PCLO: variants seen among roughly 807,000 people sequenced by gnomAD.
The protein encoded by PCLO is piccolo presynaptic cytomatrix protein, also known as protein piccolo.
PCLO carries 82 observed loss-of-function variants against 427.5 expected under a neutral mutation model. The ratio of observed to expected loss-of-function variants is 0.19; its 90% confidence interval spans 0.16 to 0.23. The LOEUF (loss-of-function observed/expected upper bound fraction) is 0.23, where lower values mean the gene tolerates loss of function less well. Among genes scored for constraint, PCLO ranks in the 10% least tolerant of loss-of-function variants. The pLI, the probability that PCLO is intolerant of heterozygous loss-of-function variation, is 1.00. For missense variants in PCLO, 6,239 were observed against 6,115.9 expected (o/e 1.02, Z -0.67); for synonymous variants, 2,357 against 2,155.4 (o/e 1.09, Z -2.59).
At chr7:82,814,949 G>T (rs1454591077) in intron 20 of PCLO, among the ~76,000 whole-genome samples, 1 of 151,770 alleles carries the variant, frequency 6.6e-6, no homozygotes, top group African/African-American at 2.4e-5. Flanking sequence ...CAGTTTCTTT[G>T]ACAGTCACCT....
intron 22 of PCLO, among the ~76,000 whole-genome samples, chr7:82,767,976 C>G (rs1790566861): frequency 6.7e-6 from 1 of 148,842 alleles, no homozygotes; most frequent in Non-Finnish European, 1.5e-5. Flanking sequence ...GAAAGAAAAG[C>G]AAAAAGGAGG....
chr7:83,026,474 A>G (rs1788500968), intron 3 of PCLO, among the ~76,000 whole-genome samples: 1 of 152,134 alleles, frequency 6.6e-6, no homozygotes, highest in South Asian at 2.1e-4. Flanking sequence ...AGTGACCTAC[A>G]AAGAGACTTA....
chr7:82,855,608 A>T (rs576471853), intron 10 of PCLO, among the ~76,000 whole-genome samples: 2 of 152,264 alleles, frequency 1.3e-5, no homozygotes, highest in South Asian at 4.1e-4. Flanking sequence ...TGAAGACATT[A>T]TTGAACGAAG....
chr7:82,907,960 G>GT (rs1794230463), intron 8 of PCLO, among the ~76,000 whole-genome samples: 1 of 152,020 alleles, frequency 6.6e-6, no homozygotes, highest in South Asian at 2.1e-4. Context: ...CTGAATTATA[G>GT]TAAGTCTATA....
Position 82,956,272 on chromosome 7 carries a change from T to C in PCLO, c.4681A>G (p.Ile1561Val), listed in dbSNP as rs778296589. The C allele has an allele frequency of 6.2e-7, 1 of 1,612,500 alleles. No individual in the cohort carries two copies. The highest frequency in any genetic ancestry group is 2.2e-5 in the East Asian group (1 of 44,868). ...EEEDFIRKQIIEMSADEDASG... is the reference protein window; with the variant it reads ...EEEDFIRKQIVEMSADEDASG... ...GCATCTTCATCAGCACTCATTTCTA[T>C]GATTTGTTTTCGAATGAAGTCCTCC... The change falls in exon 5 of 25, where the codon ATA becomes GTA. Residue 1561 changes from isoleucine to valine, a missense_variant. This residue lies in a region of PCLO where 4,677 missense variants were observed against 4,468.4 expected (regional missense o/e 1.05). Transcript: ENST00000333891.
Position 83,162,840 on chromosome 7 carries a change from T to C in PCLO, c.-248A>G, listed in dbSNP as rs911356665. On this transcript the variant is annotated 5_prime_UTR_variant, in exon 1 of 25. Transcript: ENST00000333891. The stretch of plus-strand genomic sequence containing the variant: ...CCAGGCAACCTTTGCAGAAGACACC[T>C]CCCGGACGCCGCCTCGGCGCCCCGA... 3.8e-6 allele frequency: 2 copies of C among 528,172 alleles called. No individual in the cohort carries two copies. The highest frequency in any genetic ancestry group is 6.5e-6 in the Non-Finnish European group (2 of 305,634). 32.7% of individuals were successfully genotyped at this position (528,172 alleles called of 1,614,324 possible). A position where few individuals can be genotyped will look rare whatever the true frequency, so the allele number is the denominator to read the frequency against.
chr7:82,803,340 C>A (rs1009007823), intron 21 of PCLO, among the ~76,000 whole-genome samples: 15 of 151,964 alleles, frequency 9.9e-5, no homozygotes, highest in Non-Finnish European at 2.1e-4. Context: ...AATAAATATT[C>A]TTATACTATC....
intron 3 of PCLO, among the ~76,000 whole-genome samples, chr7:82,969,334 G>A (rs1208954580): frequency 6.6e-6 from 1 of 151,996 alleles, no homozygotes; most frequent in Non-Finnish European, 1.5e-5. Context: ...AAACTACTAA[G>A]GTTTGTAATG....
intron 22 of PCLO, among the ~76,000 whole-genome samples, chr7:82,795,050 T>A (rs1001126331): frequency 6.6e-6 from 1 of 152,142 alleles, no homozygotes; most frequent in Non-Finnish European, 1.5e-5. Context: ...CCTGTACAAA[T>A]CTTACTTGGA....
intron 22 of PCLO, among the ~76,000 whole-genome samples, chr7:82,790,964 G>A (rs1055983192): frequency 5.3e-5 from 8 of 152,048 alleles, no homozygotes; most frequent in South Asian, 2.1e-4. Context: ...TTTCAGTTTC[G>A]CAATTATGTT....
intron 8 of PCLO, among the ~76,000 whole-genome samples, chr7:82,904,418 T>C (rs569852877): frequency 1.3e-5 from 2 of 152,110 alleles, no homozygotes; most frequent in South Asian, 2.1e-4. Context: ...TAAAAATCTT[T>C]ATTTTTTACT....
chr7:83,083,381 A>C (rs918767266), intron 3 of PCLO, among the ~76,000 whole-genome samples: 1 of 152,064 alleles, frequency 6.6e-6, no homozygotes, highest in African/African-American at 2.4e-5. Flanking sequence ...AAAAGTGAGC[A>C]ATACAACAAA....
Position 83,094,210 on chromosome 7 carries a change from CT to C in PCLO, c.3300+40039del, listed in dbSNP as rs767490139. ...AACCTTTTGGGACTGATTTTTTTTT[CT>C]TTTTTTTTTTTTTTTTGAGACAGAG... On this transcript the variant is annotated intron_variant, in intron 3 of 24. Coordinates refer to ENST00000333891, the MANE Select transcript of PCLO (RefSeq NM_033026.6). 4.1e-3 allele frequency among the ~76,000 whole-genome samples: 516 copies of C among 125,984 alleles called. 3 individuals carry two copies. Among genetic ancestry groups the C allele is most frequent in the African/African-American group, 0.014 (449 of 32,612 alleles). 82.7% of individuals were successfully genotyped at this position (125,984 alleles called of 152,430 possible).
chr7:82,902,881 T>C lies in PCLO; in HGVS notation c.13438-140A>G, dbSNP rs143203768. On this transcript the variant is annotated intron_variant, in intron 8 of 24. Coordinates refer to ENST00000333891, the MANE Select transcript of PCLO (RefSeq NM_033026.6). Reference sequence around the variant, plus strand: ...AGGAGATTCTCACATGATGGCAATTTAAACATCTTACACTAACACTATATA... The same window carrying C: ...AGGAGATTCTCACATGATGGCAATTCAAACATCTTACACTAACACTATATA... The C allele has an allele frequency of 9.4e-4, 550 of 584,918 alleles. 2 individuals carry two copies. The Admixed American group carries it at 0.014, about 15-fold the overall frequency. The allele number at this position is 584,918 out of a possible 1,614,324, so 36.2% of individuals were successfully genotyped here.
chr7:83,123,398 G>A (rs10441424), intron 3 of PCLO, among the ~76,000 whole-genome samples: 17,509 of 152,082 alleles, frequency 0.12, 2,095 homozygotes, highest in African/African-American at 0.31. Context: ...TTCAATAAAT[G>A]GTCCTGGGAA....
intron 9 of PCLO, among the ~76,000 whole-genome samples, chr7:82,880,099 T>C (rs1793466904): frequency 6.6e-6 from 1 of 152,138 alleles, no homozygotes; most frequent in African/African-American, 2.4e-5. Context: ...GGGTGAATAA[T>C]ATTATTATGA....
chr7:82,996,562 T>C (rs1374871392), intron 3 of PCLO, among the ~76,000 whole-genome samples: 2 of 151,978 alleles, frequency 1.3e-5, no homozygotes, highest in African/African-American at 2.4e-5. Flanking sequence ...CAAACTCCTA[T>C]ATTGCTCCTC....
At chr7:83,087,762 C>CA (rs1298882965) in intron 3 of PCLO, among the ~76,000 whole-genome samples, 2 of 151,856 alleles carry the variant, frequency 1.3e-5, no homozygotes, top group Non-Finnish European at 2.9e-5. Flanking sequence ...TGAGTTATAT[C>CA]AGGCAAAGAT....
rs915859919 is a variant in PCLO, at chr7:82,758,507, G to C, written c.*68C>G. ...TCTCAAAACTTAGCTTTGTACAATA[G>C]TATTCAACTATAGTCTTGATGTGAG... On this transcript the variant is annotated 3_prime_UTR_variant, in exon 25 of 25. Transcript: ENST00000333891. The C allele has an allele frequency of 1.5e-6, 2 of 1,352,538 alleles. No homozygotes were observed. 83.8% of individuals were successfully genotyped at this position (1,352,538 alleles called of 1,614,324 possible).
Sources: allele counts gnomAD v4.1 joint callset (sites outside exome capture counted in the v4.1 genomes callset), GRCh38; gene constraint gnomAD v4.1.1; regional missense constraint gnomAD v4.1.1; transcripts MANE v1.5; gene names NCBI Gene and HGNC (gene_info 2026-07-23, HGNC 2026-07-21).